The following KCNN3 variants were observed in gnomAD, a reference collection of about 807,000 sequenced individuals.
KCNN3 encodes potassium calcium-activated channel subfamily N member 3.
A neutral mutation model predicts 62.9 loss-of-function variants in KCNN3; 16 were observed. The observed-to-expected ratio is 0.25, with a 90% CI of 0.17 to 0.39. The LOEUF is 0.39. Among genes scored for constraint, KCNN3 ranks in the 10% least tolerant of loss-of-function variants. The pLI, the probability that KCNN3 is intolerant of heterozygous loss-of-function variation, is 1.00. For missense variants in KCNN3, 599 were observed against 949.4 expected (o/e 0.63, Z 4.85); for synonymous variants, 370 against 389.2 (o/e 0.95, Z 0.58).
At chr1:154,790,140 A>G (rs1649448307) in intron 2 of KCNN3, among the ~76,000 whole-genome samples, 1 of 152,212 alleles carries the variant, frequency 6.6e-6, no homozygotes, top group Non-Finnish European at 1.5e-5. Flanking sequence ...TATGTTGGCC[A>G]GGCTGGTCTC....
chr1:154,800,872 C>T (rs1175159945), intron 2 of KCNN3, among the ~76,000 whole-genome samples: 1 of 139,126 alleles, frequency 7.2e-6, no homozygotes, highest in East Asian at 2.4e-4. Flanking sequence ...TAGCAAAACC[C>T]CATCTCTACA....
intron 2 of KCNN3, among the ~76,000 whole-genome samples, chr1:154,808,949 G>A (rs12723581): frequency 6.6e-6 from 1 of 152,186 alleles, no homozygotes; most frequent in Non-Finnish European, 1.5e-5. Context: ...CTCCCGCAGA[G>A]CCGCCTCGTG....
At chr1:154,714,440 GGT>G (rs1700175924) in intron 6 of KCNN3, among the ~76,000 whole-genome samples, 1 of 61,328 alleles carries the variant, frequency 1.6e-5, no homozygotes, top group Admixed American at 1.6e-4. Context: ...GTGTGTGGGG[GGT>G]GTGTGTGTGG....
chr1:154,765,042 GA>G (rs1328584490), intron 3 of KCNN3, among the ~76,000 whole-genome samples: 11 of 152,282 alleles, frequency 7.2e-5, no homozygotes, highest in African/African-American at 2.6e-4. Flanking sequence ...TCCTGAGGGA[GA>G]GTCAGCTCTG....
At chr1:154,714,506 G>GGTGT (rs143557549) in intron 6 of KCNN3, among the ~76,000 whole-genome samples, 1 of 73,692 alleles carries the variant, frequency 1.4e-5, no homozygotes, top group African/African-American at 5.3e-5. Flanking sequence ...GTGTGTGTGG[G>GGTGT]GTGTGTGTGT....
chr1:154,767,154 C>T lies in KCNN3; in HGVS notation c.1448+4821G>A, dbSNP rs147566890. Reference sequence around the variant, plus strand: ...GTACAGCAAGGAAGCCTCTTTTTATCTCCTTACAATGGGAGTGGTGGCTCT... The same window carrying T: ...GTACAGCAAGGAAGCCTCTTTTTATTTCCTTACAATGGGAGTGGTGGCTCT... On this transcript the variant is annotated intron_variant, in intron 3 of 7. Coordinates refer to ENST00000271915, the MANE Select transcript of KCNN3 (RefSeq NM_002249.6). Among the ~76,000 whole-genome samples the T allele has an allele frequency of 8.0e-3, 1,224 of 152,258 alleles. 8 individuals carry two copies. The highest frequency in any genetic ancestry group is 0.013 in the Admixed American group (200 of 15,304).
chr1:154,856,624 T>C (rs185401895), intron 1 of KCNN3, among the ~76,000 whole-genome samples: 117 of 152,270 alleles, frequency 7.7e-4, no homozygotes, highest in African/African-American at 2.6e-3. Flanking sequence ...GAGCGCTCCA[T>C]GTGTGCCAGA....
intron 7 of KCNN3, 74 bp downstream of exon 7, chr1:154,713,390 A>G: frequency 7.9e-7 from 1 of 1,266,178 alleles, no homozygotes. Flanking sequence ...GAACCCAGCC[A>G]GGACTCACAG....
At chr1:154,826,968 T>C (rs1328859213) in intron 1 of KCNN3, among the ~76,000 whole-genome samples, 1 of 151,802 alleles carries the variant, frequency 6.6e-6, no homozygotes, top group East Asian at 1.9e-4. Context: ...TGTGTATGGT[T>C]GTGTGTGTGT....
chr1:154,715,714 G>A (rs1242269936), intron 5 of KCNN3, among the ~76,000 whole-genome samples: 8 of 151,890 alleles, frequency 5.3e-5, no homozygotes, highest in Non-Finnish European at 1.2e-4. Context: ...CTTGAGTCCC[G>A]GGGTCCCCTT....
At chr1:154,857,129 C>T (rs930197021) in intron 1 of KCNN3, among the ~76,000 whole-genome samples, 3 of 152,226 alleles carry the variant, frequency 2.0e-5, no homozygotes, top group African/African-American at 4.8e-5. Context: ...AACCAGAACA[C>T]GCCAGGCAGT....
In KCNN3 at chr1:154,733,122, T is replaced by G; in HGVS notation, c.1471A>C (p.Thr491Pro). Reference sequence around the variant, plus strand: ...CACATGGCACCCAGAAAGTTACTAGTTACGTCCTGCTGGTCATGGTACCTG... The same window carrying G: ...CACATGGCACCCAGAAAGTTACTAGGTACGTCCTGCTGGTCATGGTACCTG... ...CERYHDQQDV[T>P]SNFLGAMWLI... The change falls in exon 4 of 8, where the codon ACT becomes CCT. Residue 491 changes from threonine (T) to proline (P), a missense_variant. Thr to Pro is a conservative substitution (Grantham distance 38). This residue lies in a region of KCNN3 where 288 missense variants were observed against 557.4 expected (regional missense o/e 0.52). Coordinates refer to ENST00000271915, the MANE Select transcript of KCNN3 (RefSeq NM_002249.6). 6.2e-7 allele frequency: 1 copy of G among 1,614,182 alleles called. No homozygotes were observed. Among genetic ancestry groups the G allele is most frequent in the Non-Finnish European group, 8.5e-7 (1 of 1,180,012 alleles).
intron 7 of KCNN3, among the ~76,000 whole-genome samples, chr1:154,712,846 C>T (rs1345265759): frequency 7.2e-5 from 11 of 152,108 alleles, no homozygotes; most frequent in Non-Finnish European, 2.9e-5. Flanking sequence ...GGGCCAGAAA[C>T]AGAGTGGCAG....
intron 5 of KCNN3, among the ~76,000 whole-genome samples, chr1:154,723,990 G>A (rs1220275736): frequency 6.6e-6 from 1 of 152,182 alleles, no homozygotes; most frequent in Non-Finnish European, 1.5e-5. Flanking sequence ...CACTGCCATC[G>A]TGATGTGACA....
chr1:154,815,431 G>T (rs1031879830), intron 2 of KCNN3, among the ~76,000 whole-genome samples: 8 of 152,098 alleles, frequency 5.3e-5, no homozygotes, highest in African/African-American at 1.9e-4. Flanking sequence ...CGTGAAACCT[G>T]CCCAGCCTCT....
chr1:154,802,502 CT>C (rs1350851550), intron 2 of KCNN3, among the ~76,000 whole-genome samples: 6 of 152,188 alleles, frequency 3.9e-5, no homozygotes, highest in African/African-American at 1.4e-4. Flanking sequence ...GAGCCCAGCC[CT>C]GCTGTAGAGC....
At chr1:154,749,407 C>T (rs1647246669) in intron 3 of KCNN3, among the ~76,000 whole-genome samples, 1 of 152,220 alleles carries the variant, frequency 6.6e-6, no homozygotes, top group South Asian at 2.1e-4. Context: ...TGCAGCCTCA[C>T]CTAGGCAGGG....
intron 3 of KCNN3, among the ~76,000 whole-genome samples, chr1:154,744,966 A>G (rs541436293): frequency 5.9e-5 from 9 of 152,064 alleles, no homozygotes; most frequent in African/African-American, 1.9e-4. Flanking sequence ...CTCAAAAACA[A>G]TTTCCCTTAT....
At chr1:154,853,145 G>A (rs111473093) in intron 1 of KCNN3, among the ~76,000 whole-genome samples, 3,182 of 151,144 alleles carry the variant, frequency 0.021, 99 homozygotes, top group African/African-American at 0.073. Context: ...GCACACCAAT[G>A]TACTCAGCTT....
Sources: gnomAD v4.1 joint callset for allele counts (sites outside exome capture counted in the v4.1 genomes callset) on GRCh38, gnomAD v4.1.1 for gene constraint, gnomAD v4.1.1 regional missense constraint, MANE v1.5 for transcripts, NCBI Gene and HGNC (gene_info 2026-07-23, HGNC 2026-07-21) for gene names.